Variants in MYOM2 observed in about 807,000 individuals in gnomAD.
MYOM2 encodes the protein myomesin 2, also known as myomesin-2.
Under a neutral mutation model 187.6 loss-of-function variants are expected in MYOM2, and 254 were observed. The observed-to-expected ratio is 1.35, with a 90% CI of 1.22 to 1.50. The LOEUF is 1.50. MYOM2 is among the 40% of genes most tolerant of loss of function. MYOM2 has a pLI of 0.00. For missense variants in MYOM2, 2,796 were observed against 1,924.0 expected, an observed-to-expected ratio of 1.45 and a Z score of -8.48; for synonymous variants, 981 against 753.8, an observed-to-expected ratio of 1.30 and a Z score of -4.94.
At chr8:2,070,963 T>A (rs528762403) in intron 8 of MYOM2, among the ~76,000 whole-genome samples, 1 of 152,070 alleles carries the variant, frequency 6.6e-6, no homozygotes, top group South Asian at 2.1e-4. Flanking sequence ...AAATTTTTTA[T>A]TTTTATTTAT....
intron 15 of MYOM2, among the ~76,000 whole-genome samples, chr8:2,090,477 CTTTTA>C (rs1796260735): frequency 6.6e-6 from 1 of 152,112 alleles, no homozygotes; most frequent in African/African-American, 2.4e-5. Flanking sequence ...TTTAAAAAAA[CTTTTA>C]TTTTAGGTTC....
chr8:2,104,378 G>A (rs1210498956), intron 21 of MYOM2, among the ~76,000 whole-genome samples: 7 of 152,100 alleles, frequency 4.6e-5, no homozygotes, highest in Middle Eastern at 3.4e-3. Flanking sequence ...CGAGGCGGGC[G>A]GATCACGAGG....
At chr8:2,144,532 G>C (rs1798387543) in intron 36 of MYOM2, 132 bp from the exon 37 acceptor site, 1 of 925,854 alleles carries the variant, frequency 1.1e-6, no homozygotes, top group South Asian at 1.5e-5. Context: ...GTACATAAAG[G>C]CTTGTTTCTA....
At chr8:2,079,763 G>C (rs1484404160) in intron 13 of MYOM2, 150 bp downstream of exon 13, 1 of 804,466 alleles carries the variant, frequency 1.2e-6, no homozygotes, top group Admixed American at 2.3e-5. Context: ...CAAGCCCAGT[G>C]TCCATAGAAG....
In MYOM2 at chr8:2,142,230, C is replaced by T. The variant is rs116081651; in HGVS notation, c.4002-145C>T. 3,348 of 831,746 alleles carry T rather than the reference C, an allele frequency of 4.0e-3. 74 individuals are homozygous for T. In the African/African-American group the frequency reaches 0.05, roughly 12 times the overall value. The allele number at this position is 831,746 out of a possible 1,614,324, so 51.5% of individuals were successfully genotyped here. On this transcript the variant is annotated intron_variant, in intron 34 of 36. Coordinates refer to ENST00000262113, the MANE Select transcript of MYOM2 (RefSeq NM_003970.4). ...ATATCCATCCTGGGGTCCTGTGACC[C>T]GAACATGTTCTTCTAAGAGAATGCA...
intron 28 of MYOM2, chr8:2,119,545 C>G (rs12156403): frequency 0.028 from 4,293 of 152,988 alleles, 64 homozygotes; most frequent in Middle Eastern, 0.043. Flanking sequence ...TCCAACCCCA[C>G]TCCCTGGCAA....
chr8:2,086,781 C>A (rs1261611854), intron 14 of MYOM2, among the ~76,000 whole-genome samples: 5 of 152,218 alleles, frequency 3.3e-5, no homozygotes, highest in African/African-American at 1.2e-4. Flanking sequence ...GCGTCTCCTT[C>A]CTGCTGCAAC....
chr8:2,112,926 C>T (rs988002966), intron 25 of MYOM2, among the ~76,000 whole-genome samples: 1 of 152,338 alleles, frequency 6.6e-6, no homozygotes, highest in African/African-American at 2.4e-5. Context: ...CTACGCCTGC[C>T]TCATTTGCCG....
chr8:2,052,451 G>A, intron 3 of MYOM2, 138 bp downstream of exon 3: 1 of 888,956 alleles, frequency 1.1e-6, no homozygotes, highest in Non-Finnish European at 1.6e-6. Flanking sequence ...GTGAGAGGGA[G>A]AATGCTGCTG....
chr8:2,088,986 A>G (rs1383484956), intron 14 of MYOM2, among the ~76,000 whole-genome samples: 2 of 151,968 alleles, frequency 1.3e-5, no homozygotes, highest in Admixed American at 6.5e-5. Context: ...CCTGAGGCCC[A>G]TGACGCCCTG....
intron 25 of MYOM2, among the ~76,000 whole-genome samples, chr8:2,110,484 T>A (rs1797032423): frequency 6.6e-6 from 1 of 152,230 alleles, no homozygotes; most frequent in Admixed American, 6.5e-5. Flanking sequence ...AAATTTCCTC[T>A]TTTCTAATTA....
intron 32 of MYOM2, among the ~76,000 whole-genome samples, chr8:2,130,386 G>C (rs569390287): frequency 1.7e-5 from 2 of 119,376 alleles, no homozygotes; most frequent in African/African-American, 8.5e-5. Context: ...CTATACCCAG[G>C]GTGCCCACAC....
intron 23 of MYOM2, among the ~76,000 whole-genome samples, chr8:2,108,153 T>A (rs1174479489): frequency 2.0e-5 from 3 of 152,260 alleles, no homozygotes; most frequent in Non-Finnish European, 4.4e-5. Flanking sequence ...CTGATTCTAA[T>A]TTTAAGAAGG....
At chr8:2,112,113 C>G (rs1183278993) in intron 25 of MYOM2, among the ~76,000 whole-genome samples, 1 of 152,210 alleles carries the variant, frequency 6.6e-6, no homozygotes, top group African/African-American at 2.4e-5. Context: ...AGCACCTACC[C>G]TGTACATCAC....
chr8:2,105,657 C>T (rs1176015173), intron 21 of MYOM2, among the ~76,000 whole-genome samples: 4 of 152,026 alleles, frequency 2.6e-5, no homozygotes, highest in East Asian at 1.9e-4. Context: ...CAGGGAAGGA[C>T]GTGTGCAGAA....
At chr8:2,090,448 T>A (rs1796258754) in intron 15 of MYOM2, among the ~76,000 whole-genome samples, 1 of 152,238 alleles carries the variant, frequency 6.6e-6, no homozygotes, top group African/African-American at 2.4e-5. Flanking sequence ...ACGGTCACTT[T>A]TATTGTTTTA....
chr8:2,102,779 C>T lies in MYOM2; in HGVS notation c.2732C>T (p.Pro911Leu). The T allele has an allele frequency of 6.2e-7, 1 of 1,611,316 alleles. No homozygotes were observed. Among genetic ancestry groups the T allele is most frequent in the South Asian group, 1.1e-5 (1 of 90,942 alleles). Residue 911 changes from proline (P) to leucine (L), a missense_variant and splice_region_variant, in exon 21 of 37, where the codon CCA becomes CTA. Transcript: ENST00000262113. ...GAGCCTGTGCTGGTAGAGGCGAGAC[C>T]AGGTAAGGCTTACAACAAAAACTAC... ...TSEPVLVEARPGTKEISAGVD... is the reference protein window; with the variant it reads ...TSEPVLVEARLGTKEISAGVD...
At chr8:2,052,075 T>C in intron 2 of MYOM2, 83 bp from the exon 3 acceptor site, 2 of 1,568,478 alleles carry the variant, frequency 1.3e-6, no homozygotes. Flanking sequence ...TTGGGGTGTG[T>C]AGAGAGAAAG....
chr8:2,045,789 G>A (rs959252445), intron 1 of MYOM2, among the ~76,000 whole-genome samples: 1 of 152,208 alleles, frequency 6.6e-6, no homozygotes, highest in African/African-American at 2.4e-5. Flanking sequence ...GCTGATAGAG[G>A]CTGTGCCTTC....
Sources: gnomAD v4.1 joint callset for allele counts (sites outside exome capture counted in the v4.1 genomes callset) on GRCh38, gnomAD v4.1.1 for gene constraint, MANE v1.5 for transcripts, NCBI Gene and HGNC (gene_info 2026-07-23, HGNC 2026-07-21) for gene names.